Variants in ERC2 observed in about 807,000 individuals in gnomAD.
ERC2 encodes ERC protein 2.
ERC2 carries 42 observed loss-of-function variants against 114.8 expected under a neutral mutation model. That is an observed-to-expected ratio of 0.37 (90% CI 0.29 to 0.47). The LOEUF is 0.47. ERC2 is among the 20% of genes least tolerant of loss of function. The probability of loss-of-function intolerance (pLI) is 0.99; values close to 1 mark genes in which losing one functional copy is unlikely to be tolerated. For missense variants in ERC2, 939 were observed against 1,150.7 expected, an observed-to-expected ratio of 0.82 and a Z score of 2.66; for synonymous variants, 454 against 425.5, an observed-to-expected ratio of 1.07 and a Z score of -0.82.
chr3:55,774,287 C>T (rs2068438689), intron 14 of ERC2, among the ~76,000 whole-genome samples: 1 of 152,168 alleles, frequency 6.6e-6, no homozygotes, highest in Non-Finnish European at 1.5e-5. Flanking sequence ...GGCATTATGT[C>T]AACATCGGTT....
At chr3:55,599,473 C>G (rs1333234596) in intron 17 of ERC2, among the ~76,000 whole-genome samples, 2 of 152,180 alleles carry the variant, frequency 1.3e-5, no homozygotes, top group African/African-American at 4.8e-5. Flanking sequence ...GAAATTATCA[C>G]ACATGTATTT....
At chr3:55,625,634 C>G (rs1454785371) in intron 17 of ERC2, among the ~76,000 whole-genome samples, 1 of 151,970 alleles carries the variant, frequency 6.6e-6, no homozygotes. Flanking sequence ...GCCTGTAGTC[C>G]CAGCTACTCG....
chr3:55,841,605 G>T (rs760604599), intron 14 of ERC2, among the ~76,000 whole-genome samples: 2 of 151,760 alleles, frequency 1.3e-5, no homozygotes, highest in African/African-American at 4.9e-5. Context: ...TGTTCTAGGT[G>T]CCATACTAAA....
At chr3:55,954,845 C>T (rs1238007093) in intron 12 of ERC2, among the ~76,000 whole-genome samples, 2 of 151,496 alleles carry the variant, frequency 1.3e-5, no homozygotes, top group African/African-American at 4.9e-5. Flanking sequence ...CACATGTGCA[C>T]AAATATATAT....
At chr3:56,168,640 G>T (rs1032881406) in intron 4 of ERC2, among the ~76,000 whole-genome samples, 1 of 152,074 alleles carries the variant, frequency 6.6e-6, no homozygotes, top group East Asian at 1.9e-4. Flanking sequence ...GTAAAGTTGC[G>T]AAGTAGTAGT....
At chr3:56,207,605 T>C (rs1186289471) in intron 3 of ERC2, among the ~76,000 whole-genome samples, 2 of 152,188 alleles carry the variant, frequency 1.3e-5, no homozygotes, top group Non-Finnish European at 2.9e-5. Flanking sequence ...TTCTTTACTA[T>C]CATTTAGAAA....
chr3:56,026,057 C>CTTTT (rs59635680), intron 7 of ERC2, among the ~76,000 whole-genome samples: 2,406 of 68,984 alleles, frequency 0.035, no homozygotes, highest in Non-Finnish European at 0.037. Flanking sequence ...CCGTTTCTTT[C>CTTTT]TTTTTTTTTT....
chr3:55,742,322 A>T (rs963744406), intron 14 of ERC2, among the ~76,000 whole-genome samples: 8 of 152,184 alleles, frequency 5.3e-5, no homozygotes, highest in African/African-American at 1.9e-4. Flanking sequence ...CGTTCTATTA[A>T]TGATGATTTG....
intron 17 of ERC2, among the ~76,000 whole-genome samples, chr3:55,618,803 A>G (rs1276544666): frequency 1.3e-5 from 2 of 152,224 alleles, no homozygotes; most frequent in African/African-American, 4.8e-5. Context: ...AAAGCAGAAC[A>G]ATAAAATTGA....
chr3:56,125,919 A>G (rs2079839076), intron 6 of ERC2, among the ~76,000 whole-genome samples: 1 of 152,208 alleles, frequency 6.6e-6, no homozygotes, highest in Non-Finnish European at 1.5e-5. Context: ...GCAGGCAACT[A>G]ATTTACTTTT....
intron 17 of ERC2, among the ~76,000 whole-genome samples, chr3:55,572,347 G>T (rs2056759755): frequency 6.6e-6 from 1 of 152,192 alleles, no homozygotes. Context: ...CCAAGGGTGA[G>T]AATTTGATGG....
At chr3:55,884,928 G>A (rs2063294148) in intron 14 of ERC2, among the ~76,000 whole-genome samples, 1 of 152,146 alleles carries the variant, frequency 6.6e-6, no homozygotes, top group African/African-American at 2.4e-5. Flanking sequence ...GAGTTCTGTA[G>A]AGTAAGCAGG....
intron 16 of ERC2, among the ~76,000 whole-genome samples, chr3:55,697,034 AC>A (rs1425545472): frequency 3.9e-5 from 6 of 152,294 alleles, no homozygotes; most frequent in African/African-American, 1.4e-4. Context: ...AGTTGGAGCT[AC>A]CTTTTATCTG....
chr3:56,223,813 T>C (rs926217800), intron 3 of ERC2, among the ~76,000 whole-genome samples: 3 of 152,190 alleles, frequency 2.0e-5, no homozygotes, highest in Admixed American at 2.0e-4. Flanking sequence ...TATTTTCCTC[T>C]CCACTAAGTA....
At chr3:56,383,920 C>T (rs150831935) in intron 2 of ERC2, among the ~76,000 whole-genome samples, 3 of 152,284 alleles carry the variant, frequency 2.0e-5, no homozygotes, top group Non-Finnish European at 4.4e-5. Context: ...TTTGACTACT[C>T]TAGGTGTCAC....
At chr3:56,392,651 C>G (rs1419672456) in intron 2 of ERC2, among the ~76,000 whole-genome samples, 1 of 152,038 alleles carries the variant, frequency 6.6e-6, no homozygotes, top group African/African-American at 2.4e-5. Context: ...TCAACTAGCT[C>G]TATATAGGGT....
At chr3:55,971,168 G>A (rs2149485255) in intron 12 of ERC2, among the ~76,000 whole-genome samples, 1 of 152,162 alleles carries the variant, frequency 6.6e-6, no homozygotes, top group East Asian at 1.9e-4. Context: ...CAGGGGCTGG[G>A]GGAAAGAGGG....
At chr3:56,270,623 A>AT (rs1255206427) in intron 3 of ERC2, among the ~76,000 whole-genome samples, 1 of 152,116 alleles carries the variant, frequency 6.6e-6, no homozygotes, top group Non-Finnish European at 1.5e-5. Context: ...TTCATTTATA[A>AT]TTTTTTCATT....
intron 1 of ERC2, among the ~76,000 whole-genome samples, chr3:56,455,720 T>C (rs1396747321): frequency 1.3e-5 from 2 of 152,226 alleles, no homozygotes; most frequent in East Asian, 1.9e-4. Flanking sequence ...CTAACAATTA[T>C]CCACCTTTTT....
Sources: gnomAD v4.1 joint callset for allele counts (sites outside exome capture counted in the v4.1 genomes callset) on GRCh38, gnomAD v4.1.1 for gene constraint, MANE v1.5 for transcripts, NCBI Gene and HGNC (gene_info 2026-07-23, HGNC 2026-07-21) for gene names.